GNB5: variants seen among roughly 807,000 people sequenced by gnomAD.
The protein encoded by GNB5 is G protein subunit beta 5.
In GNB5, 37 loss-of-function variants were observed where a neutral mutation model predicts 55.3. That is an observed-to-expected ratio of 0.67 (90% CI 0.51 to 0.88). The LOEUF is 0.88. Ranked by LOEUF, GNB5 falls within the 40% of genes least tolerant of loss-of-function variation. The probability of loss-of-function intolerance (pLI) is 0.00; values close to 1 mark genes in which losing one functional copy is unlikely to be tolerated. For missense variants in GNB5, 476 were observed against 515.3 expected, an observed-to-expected ratio of 0.92 and a Z score of 0.74; for synonymous variants, 219 against 198.5, an observed-to-expected ratio of 1.10 and a Z score of -0.87.
Position 52,161,467 on chromosome 15 carries a change from T to G in GNB5, c.239-7391A>C, listed in dbSNP as rs377259390. 6.2e-4 allele frequency among the ~76,000 whole-genome samples: 95 copies of G among 152,254 alleles called. No individual in the cohort carries two copies. In the East Asian group the frequency reaches 0.014, roughly 23 times the overall value. Reference sequence around the variant, plus strand: ...CACGCGCTACCACGCCCGGCTAATTTTCGTATTTTTTTTAGTAGAGATGGG... The same window carrying G: ...CACGCGCTACCACGCCCGGCTAATTGTCGTATTTTTTTTAGTAGAGATGGG... On this transcript the variant is annotated intron_variant, in intron 3 of 12. Transcript: ENST00000261837.
intron 3 of GNB5, among the ~76,000 whole-genome samples, chr15:52,178,887 G>A (rs2034703457): frequency 6.6e-6 from 1 of 152,212 alleles, no homozygotes. Context: ...ACCGTGGGAG[G>A]TGCTCAGCAA....
intron 3 of GNB5, among the ~76,000 whole-genome samples, chr15:52,171,758 A>C (rs937982421): frequency 2.0e-5 from 3 of 152,228 alleles, no homozygotes; most frequent in African/African-American, 7.2e-5. Flanking sequence ...TTTTTCCCTA[A>C]GCCATAAATC....
intron 7 of GNB5, among the ~76,000 whole-genome samples, chr15:52,136,019 C>T (rs893603162): frequency 2.3e-5 from 3 of 132,882 alleles, no homozygotes; most frequent in Non-Finnish European, 3.1e-5. Context: ...TTGCTTATGC[C>T]GGGGGCAGTC....
intron 3 of GNB5, among the ~76,000 whole-genome samples, chr15:52,154,713 G>A (rs538474725): frequency 2.6e-5 from 4 of 152,336 alleles, no homozygotes; most frequent in South Asian, 4.1e-4. Flanking sequence ...TACACATGGC[G>A]CAGGAAAGAA....
chr15:52,158,163 G>A (rs1007582027), intron 3 of GNB5, among the ~76,000 whole-genome samples: 1 of 152,180 alleles, frequency 6.6e-6, no homozygotes, highest in Non-Finnish European at 1.5e-5. Flanking sequence ...CAAAACTGGA[G>A]CAAAGCAGTT....
Position 52,117,102 on chromosome 15 carries a change from A to ATATATATATTTTTTTTTTTTTTTT in GNB5, c.*5654_*5655insAAAAAAAAAAAAAAAATATATATA. The ATATATATATTTTTTTTTTTTTTTT allele has an allele frequency of 4.6e-5, 4 of 87,100 alleles. No individual in the cohort carries two copies. The highest frequency in any genetic ancestry group is 2.4e-4 in the African/African-American group (4 of 16,446). 5.4% of individuals were successfully genotyped at this position (87,100 alleles called of 1,614,324 possible). ...CCACGCCCAGCTAATATATATATAT[A>ATATATATATTTTTTTTTTTTTTTT]TTTTTTTTTAGTACAGACAGGGTTT... On this transcript the variant is annotated 3_prime_UTR_variant, in exon 13 of 13. Coordinates refer to ENST00000261837, the MANE Select transcript of GNB5 (RefSeq NM_016194.4).
chr15:52,145,594 G>A lies in GNB5; in HGVS notation c.494+1865C>T, dbSNP rs368547097. ...CAGGGAGCGGAGGTTGCAGAGAGCCGAGATCATGCCACTGCACTCCAGCCT... is the reference window on the plus strand; with the variant it reads ...CAGGGAGCGGAGGTTGCAGAGAGCCAAGATCATGCCACTGCACTCCAGCCT... On this transcript the variant is annotated intron_variant, in intron 6 of 12. Transcript: ENST00000261837. Among the ~76,000 whole-genome samples, 42 of 152,194 alleles carry A rather than the reference G, an allele frequency of 2.8e-4. No homozygotes were observed. The East Asian group carries it at 5.8e-3, about 21-fold the overall frequency.
rs996193477 is a variant in GNB5 at position 52,149,693 on chromosome 15, T to A, written c.417+191A>T. ...TTGTCCTCTTGGGGCGAGAGGGGAA[T>A]AAATGCTGCAATGGGCTGGCTGAGC... On this transcript the variant is annotated intron_variant, in intron 5 of 12. Coordinates refer to ENST00000261837, the MANE Select transcript of GNB5 (RefSeq NM_016194.4). The A allele has an allele frequency of 6.0e-6, 4 of 667,030 alleles. No homozygotes were observed. The East Asian group carries it at 1.1e-4, about 18-fold the overall frequency. 41.3% of individuals were successfully genotyped at this position (667,030 alleles called of 1,614,324 possible).
chr15:52,178,342 G>A (rs1329961559), intron 3 of GNB5, among the ~76,000 whole-genome samples: 2 of 152,186 alleles, frequency 1.3e-5, no homozygotes, highest in African/African-American at 4.8e-5. Flanking sequence ...ACTGGGAGAA[G>A]GATTTCTGGG....
intron 3 of GNB5, among the ~76,000 whole-genome samples, chr15:52,172,758 C>T (rs2034577244): frequency 1.3e-5 from 2 of 152,090 alleles, no homozygotes; most frequent in South Asian, 4.2e-4. Context: ...AGAGTGAGAA[C>T]CTGGCTCAAA....
rs139905416 is a variant in GNB5 at position 52,177,397 on chromosome 15, C to T, written c.238+2371G>A. 5.1e-3 allele frequency among the ~76,000 whole-genome samples: 772 copies of T among 152,008 alleles called. 6 individuals are homozygous for T. Among genetic ancestry groups the T allele is most frequent in the African/African-American group, 0.018 (753 of 41,492 alleles). On this transcript the variant is annotated intron_variant, in intron 3 of 12. Coordinates refer to ENST00000261837, the MANE Select transcript of GNB5 (RefSeq NM_016194.4). ...GAATGGCTGAGTGCGGTGGCTCACA[C>T]CTGTAATCCCAGTACTTTTGGAGGC...
At chr15:52,188,031 G>T (rs1037867392) in intron 1 of GNB5, among the ~76,000 whole-genome samples, 2 of 152,002 alleles carry the variant, frequency 1.3e-5, no homozygotes, top group Admixed American at 6.6e-5. Context: ...TCGCCCACAT[G>T]CCCTACACCA....
chr15:52,124,005 C>CAAAAAAAAAAAAA (rs56008657), intron 12 of GNB5, among the ~76,000 whole-genome samples: 4 of 84,382 alleles, frequency 4.7e-5, no homozygotes, highest in African/African-American at 1.3e-4. Flanking sequence ...ATAGAAAAAC[C>CAAAAAAAAAAAAA]AAAAAAAAAA....
In GNB5 at chr15:52,116,816, G is replaced by T. The variant is rs558194412; in HGVS notation, c.*5941C>A. 10 of 151,962 alleles carry T rather than the reference G, an allele frequency of 6.6e-5. No homozygotes were observed. Among genetic ancestry groups the T allele is most frequent in the African/African-American group, 2.4e-4 (10 of 41,364 alleles). The allele number at this position is 151,962 out of a possible 1,614,324, so 9.4% of individuals were successfully genotyped here. On this transcript the variant is annotated 3_prime_UTR_variant, in exon 13 of 13. Transcript: ENST00000261837. The stretch of plus-strand genomic sequence containing the variant: ...GCCTAGCAACTGCCTGTCCAACCTC[G>T]GACTGGTGTGACCTTTGTTATTGAT...
intron 3 of GNB5, among the ~76,000 whole-genome samples, chr15:52,178,654 T>G (rs1012860586): frequency 2.6e-5 from 4 of 152,216 alleles, no homozygotes; most frequent in African/African-American, 7.2e-5. Context: ...AGTTAGTGAT[T>G]GCTGGACAGG....
At chr15:52,131,599 C>T (rs1396481740) in intron 9 of GNB5, among the ~76,000 whole-genome samples, 1 of 152,132 alleles carries the variant, frequency 6.6e-6, no homozygotes, top group East Asian at 1.9e-4. Flanking sequence ...ACTTCAATTA[C>T]TATCTGTAGT....
intron 3 of GNB5, among the ~76,000 whole-genome samples, chr15:52,174,001 G>C (rs2034600994): frequency 6.6e-6 from 1 of 152,170 alleles, no homozygotes; most frequent in South Asian, 2.1e-4. Flanking sequence ...TTAAGTTAAG[G>C]ATCTTGAGAT....
intron 1 of GNB5, among the ~76,000 whole-genome samples, chr15:52,188,161 C>T (rs117253397): frequency 0.026 from 4,010 of 152,210 alleles, 73 homozygotes; most frequent in Middle Eastern, 0.051. Flanking sequence ...GCATTTTCAT[C>T]TTCACGTCAT....
At chr15:52,179,724 G>A (rs2034729204) in intron 3 of GNB5, 44 bp downstream of exon 3, 2 of 1,165,792 alleles carry the variant, frequency 1.7e-6, no homozygotes, top group Non-Finnish European at 2.3e-6. Flanking sequence ...GGGAAGTGGC[G>A]AGCCGGTCCG....
Sources: allele counts gnomAD v4.1 joint callset (sites outside exome capture counted in the v4.1 genomes callset), GRCh38; gene constraint gnomAD v4.1.1; transcripts MANE v1.5; gene names NCBI Gene and HGNC (gene_info 2026-07-23, HGNC 2026-07-21).